PCDH9: variants seen among roughly 807,000 people sequenced by gnomAD.
PCDH9 encodes the protein protocadherin-9.
A neutral mutation model predicts 70.6 loss-of-function variants in PCDH9; 24 were observed. The ratio of observed to expected loss-of-function variants is 0.34; its 90% CI spans 0.25 to 0.48. PCDH9 has a LOEUF of 0.48. Among genes scored for constraint, PCDH9 ranks in the 20% least tolerant of loss-of-function variants. PCDH9 has a pLI of 0.99. For synonymous variants in PCDH9, 562 were observed against 558.5 expected (o/e 1.01, Z -0.09); for missense variants, 1,281 against 1,503.6 (o/e 0.85, Z 2.45).
chr13:66,568,373 A>G (rs1350218213), intron 4 of PCDH9, among the ~76,000 whole-genome samples: 2 of 151,844 alleles, frequency 1.3e-5, no homozygotes, highest in African/African-American at 4.8e-5. Flanking sequence ...GCAGACTAAG[A>G]TAAGGCACAA....
At position 66,885,561 on chromosome 13, in the gene PCDH9, T is replaced by C. The variant is rs2081991535; in HGVS notation, c.3138+17943A>G. Among the ~76,000 whole-genome samples, 9 of 152,158 alleles carry C rather than the reference T, an allele frequency of 5.9e-5. No homozygotes were observed. The South Asian group carries it at 1.9e-3, about 32-fold the overall frequency. ...TATTTTTAAGATTTTGAATTCTTTATGAGAAAGAGAGAAAGAGTTCAAGTA... is the reference window on the plus strand; with the variant it reads ...TATTTTTAAGATTTTGAATTCTTTACGAGAAAGAGAGAAAGAGTTCAAGTA... On this transcript the variant is annotated intron_variant, in intron 3 of 4. Transcript: ENST00000377865.
At chr13:66,588,491 C>CAT (rs10535210) in intron 4 of PCDH9, among the ~76,000 whole-genome samples, 117 of 148,752 alleles carry the variant, frequency 7.9e-4, no homozygotes, top group African/African-American at 2.8e-3. Context: ...GAGAGAACGT[C>CAT]ATATATATAT....
chr13:67,081,985 G>A, intron 2 of PCDH9, among the ~76,000 whole-genome samples: 1 of 152,132 alleles, frequency 6.6e-6, no homozygotes, highest in African/African-American at 2.4e-5. Context: ...AATGAGCTTG[G>A]AGATAAATGT....
At chr13:66,961,156 T>C (rs1438539687) in intron 2 of PCDH9, among the ~76,000 whole-genome samples, 1 of 152,200 alleles carries the variant, frequency 6.6e-6, no homozygotes, top group Non-Finnish European at 1.5e-5. Context: ...ACAAACACTA[T>C]AATTCTATTT....
At chr13:66,788,502 T>C (rs1391397710) in intron 3 of PCDH9, among the ~76,000 whole-genome samples, 1 of 152,106 alleles carries the variant, frequency 6.6e-6, no homozygotes, top group Non-Finnish European at 1.5e-5. Context: ...GTAAAGGCAT[T>C]TATCGTGACG....
At chr13:66,891,515 T>C (rs2082095473) in intron 3 of PCDH9, among the ~76,000 whole-genome samples, 2 of 152,154 alleles carry the variant, frequency 1.3e-5, no homozygotes, top group South Asian at 4.1e-4. Flanking sequence ...AATTGTATCC[T>C]AGCTGTTTAT....
chr13:67,154,047 G>A (rs2138394501), intron 2 of PCDH9, among the ~76,000 whole-genome samples: 1 of 152,174 alleles, frequency 6.6e-6, no homozygotes, highest in Non-Finnish European at 1.5e-5. Context: ...AAGTGTAAAG[G>A]AAAAAGAATA....
At chr13:67,042,926 T>TA (rs551848557) in intron 2 of PCDH9, among the ~76,000 whole-genome samples, 8 of 148,810 alleles carry the variant, frequency 5.4e-5, no homozygotes, top group African/African-American at 2.5e-5. Flanking sequence ...CTTGGAGGAT[T>TA]AAAAAAAAAA....
chr13:67,012,262 C>A (rs1353788870), intron 2 of PCDH9, among the ~76,000 whole-genome samples: 6 of 151,290 alleles, frequency 4.0e-5, no homozygotes, highest in Admixed American at 6.6e-5. Flanking sequence ...ATAAATGTAA[C>A]CTTATAAATT....
chr13:66,949,884 C>T (rs1343559909), intron 2 of PCDH9, among the ~76,000 whole-genome samples: 4 of 151,960 alleles, frequency 2.6e-5, no homozygotes, highest in African/African-American at 4.8e-5. Flanking sequence ...AGAAAACAGA[C>T]ATAGAAAGGC....
In PCDH9 at chr13:66,750,435, A is replaced by G. The variant is rs377218070; in HGVS notation, c.3139-119024T>C. ...GAAGGTGTTTTGACTTTCTCGTTGG[A>G]CCCAGGACCAACTGTGTAAAGAAAG... On this transcript the variant is annotated intron_variant, in intron 3 of 4. Coordinates refer to ENST00000377865, the MANE Select transcript of PCDH9 (RefSeq NM_203487.3). Among the ~76,000 whole-genome samples, 423 of 152,106 alleles carry G rather than the reference A, an allele frequency of 2.8e-3. 2 individuals are homozygous for G. The highest frequency in any genetic ancestry group is 9.8e-3 in the African/African-American group (405 of 41,504).
rs117902381 is a variant in PCDH9, at chr13:67,076,817, C to A, written c.3036+148588G>T. On this transcript the variant is annotated intron_variant, in intron 2 of 4. Transcript: ENST00000377865. ...CACCGGCCCCACTCAATGGAATGCACAATATAGTTTAATTTTCCTATTTGA... is the reference window on the plus strand; with the variant it reads ...CACCGGCCCCACTCAATGGAATGCAAAATATAGTTTAATTTTCCTATTTGA... 3.2e-4 allele frequency among the ~76,000 whole-genome samples: 48 copies of A among 152,208 alleles called. No individual in the cohort carries two copies. In the East Asian group the frequency reaches 8.5e-3, roughly 27 times the overall value.
chr13:67,106,346 T>A (rs2086542909), intron 2 of PCDH9, among the ~76,000 whole-genome samples: 1 of 152,232 alleles, frequency 6.6e-6, no homozygotes, highest in African/African-American at 2.4e-5. Flanking sequence ...GTGTTCCACA[T>A]AAAATTCAAG....
At chr13:66,773,745 C>G (rs1442760536) in intron 3 of PCDH9, among the ~76,000 whole-genome samples, 1 of 151,582 alleles carries the variant, frequency 6.6e-6, no homozygotes, top group African/African-American at 2.4e-5. Context: ...AGAAGATGGT[C>G]TGAATAATTG....
intron 2 of PCDH9, among the ~76,000 whole-genome samples, chr13:67,125,193 A>G (rs755276599): frequency 2.0e-5 from 3 of 152,208 alleles, no homozygotes; most frequent in Admixed American, 6.5e-5. Context: ...GAAGACACTC[A>G]TAAAATGTTC....
intron 3 of PCDH9, among the ~76,000 whole-genome samples, chr13:66,856,872 AAGTCTTTT>A (rs1319606176): frequency 2.6e-5 from 4 of 152,070 alleles, no homozygotes; most frequent in African/African-American, 9.7e-5. Flanking sequence ...AACCAGGTAC[AAGTCTTTT>A]TACCTTGAAA....
intron 2 of PCDH9, among the ~76,000 whole-genome samples, chr13:67,187,897 T>A (rs1016112292): frequency 2.0e-5 from 3 of 152,116 alleles, no homozygotes. Flanking sequence ...ATTTACAATT[T>A]TTTGTGATAG....
chr13:66,754,510 T>C (rs1442633867), intron 3 of PCDH9, among the ~76,000 whole-genome samples: 4 of 151,994 alleles, frequency 2.6e-5, no homozygotes, highest in African/African-American at 7.3e-5. Context: ...CTGAAGCAAA[T>C]TGTATAGTCC....
chr13:66,337,118 A>G (rs1408173384), intron 4 of PCDH9, among the ~76,000 whole-genome samples: 2 of 152,038 alleles, frequency 1.3e-5, no homozygotes, highest in African/African-American at 4.8e-5. Flanking sequence ...GAGTTTGCTT[A>G]TAAAAGCACT....
Sources: gnomAD v4.1 joint callset for allele counts (sites outside exome capture counted in the v4.1 genomes callset) on GRCh38, gnomAD v4.1.1 for gene constraint, MANE v1.5 for transcripts, NCBI Gene and HGNC (gene_info 2026-07-23, HGNC 2026-07-21) for gene names.